The following CLEC19A variants were observed in gnomAD, a reference collection of about 807,000 sequenced individuals.
CLEC19A encodes C-type lectin domain containing 19A.
CLEC19A carries 21 observed loss-of-function variants against 26.1 expected under a neutral mutation model. The observed-to-expected ratio is 0.80, with a 90% confidence interval of 0.57 to 1.16. CLEC19A has a LOEUF of 1.16. Ranked by LOEUF, CLEC19A falls within the 50% of genes most tolerant of loss-of-function variation. The pLI is 0.00. For synonymous variants in CLEC19A, 89 were observed against 88.6 expected, an observed-to-expected ratio of 1.00 and a Z score of -0.03; for missense variants, 224 against 227.6, an observed-to-expected ratio of 0.98 and a Z score of 0.10.
At chr16:19,304,030 GGAATCA>G (rs1597088063) in intron 2 of CLEC19A, 26 bp from the exon 3 acceptor site, 1 of 1,511,084 alleles carries the variant, frequency 6.6e-7, no homozygotes, top group Non-Finnish European at 9.0e-7. Context: ...GAGGCCATGA[GGAATCA>G]GCTACTATTA....
Position 19,294,769 on chromosome 16 carries a change from A to G in CLEC19A, c.89-3904A>G, listed in dbSNP as rs1447602938. On this transcript the variant is annotated intron_variant, in intron 1 of 4. Transcript: ENST00000636231. Reference sequence around the variant, plus strand: ...TAAAATTAGAGAAATAGCCCACACTATACTTCTCATTAGTTGCGGGGGCTG... The same window carrying G: ...TAAAATTAGAGAAATAGCCCACACTGTACTTCTCATTAGTTGCGGGGGCTG... 3.9e-5 allele frequency among the ~76,000 whole-genome samples: 6 copies of G among 152,196 alleles called. No individual in the cohort carries two copies. In the East Asian group the frequency reaches 5.8e-4, roughly 15 times the overall value.
chr16:19,307,754 T>C, intron 4 of CLEC19A, 77 bp downstream of exon 4: 2 of 1,523,152 alleles, frequency 1.3e-6, no homozygotes, highest in South Asian at 2.4e-5. Context: ...AGAAGGGCCT[T>C]GGGGGAAGAG....
chr16:19,290,038 G>T (rs1212952468), intron 1 of CLEC19A, among the ~76,000 whole-genome samples: 1 of 152,196 alleles, frequency 6.6e-6, no homozygotes, highest in Non-Finnish European at 1.5e-5. Context: ...GCAGGAGGCA[G>T]CAGGGTAGTG....
rs1171248968 is a variant in CLEC19A, at chr16:19,301,736, G to GTTTTTTT, written c.255-2304_255-2298dup. On this transcript the variant is annotated intron_variant, in intron 2 of 4. Coordinates refer to ENST00000636231, the MANE Select transcript of CLEC19A (RefSeq NM_001256720.2). Reference sequence around the variant, plus strand: ...ATGACACCATGCCCAGGTTTTTTTGGTTTTTTTTTTTTTTTTTTTTTTTTT... The same window carrying GTTTTTTT: ...ATGACACCATGCCCAGGTTTTTTTGGTTTTTTTTTTTTTTTTTTTTTTTTTTTTTTTT... Among the ~76,000 whole-genome samples, 409 of 81,336 alleles carry GTTTTTTT rather than the reference G, an allele frequency of 5.0e-3. 15 individuals are homozygous for GTTTTTTT. The highest frequency in any genetic ancestry group is 8.8e-3 in the South Asian group (15 of 1,708). The allele number at this position is 81,336 out of a possible 152,430, so 53.4% of individuals were successfully genotyped here.
chr16:19,287,846 G>T (rs1897504906), intron 1 of CLEC19A, among the ~76,000 whole-genome samples: 1 of 152,214 alleles, frequency 6.6e-6, no homozygotes, highest in Admixed American at 6.5e-5. Context: ...TTTAAAAAAT[G>T]AGTTATTGCC....
intron 3 of CLEC19A, 95 bp from the exon 4 acceptor site, chr16:19,307,450 A>G: frequency 1.4e-6 from 2 of 1,390,698 alleles, no homozygotes; most frequent in East Asian, 2.5e-5. Flanking sequence ...GTTAGAAATT[A>G]AGTTGCTAAG....
In CLEC19A at chr16:19,285,877, C is replaced by T. The variant is rs1033024005; in HGVS notation, c.26C>T (p.Ala9Val). 1.9e-6 allele frequency: 3 copies of T among 1,550,426 alleles called. No homozygotes were observed. The highest frequency in any genetic ancestry group is 2.7e-5 in the African/African-American group (2 of 73,048). Residue 9 changes from alanine to valine, a missense_variant, in exon 1 of 5, where the codon GCA (alanine) becomes GTA (valine). Physicochemically the swap from Ala to Val is moderately conservative, Grantham distance 64. Coordinates refer to ENST00000636231, the MANE Select transcript of CLEC19A (RefSeq NM_001256720.2). ...ATGCAAAGGTGGACACTGTGGGCTG[C>T]AGCCTTCCTGACCCTCCACTCTGCA... MQRWTLWA[A>V]AFLTLHSAQA...
chr16:19,288,506 C>T (rs1034651628), intron 1 of CLEC19A, among the ~76,000 whole-genome samples: 7 of 152,124 alleles, frequency 4.6e-5, no homozygotes, highest in African/African-American at 1.2e-4. Context: ...CATCACCCAC[C>T]CCTTGCATAT....
intron 1 of CLEC19A, among the ~76,000 whole-genome samples, chr16:19,296,524 T>A (rs182097923): frequency 1.3e-5 from 2 of 152,280 alleles, no homozygotes; most frequent in Admixed American, 1.3e-4. Flanking sequence ...ATGAAGCAGG[T>A]GCTATAAAGA....
intron 1 of CLEC19A, among the ~76,000 whole-genome samples, chr16:19,288,600 G>A (rs1230971747): frequency 6.6e-6 from 1 of 152,096 alleles, no homozygotes. Flanking sequence ...TAGAGACTTG[G>A]GAGGATTTAG....
rs949804158 is a variant in CLEC19A, at chr16:19,308,395, T to C, written c.482-609T>C. Among the ~76,000 whole-genome samples the C allele has an allele frequency of 2.6e-5, 4 of 152,310 alleles. No individual in the cohort carries two copies. The East Asian group carries it at 5.8e-4, about 22-fold the overall frequency. ...TTCTTTGTCTTCAAAATGTGGCTAATGATACTTAACTCACAGGTTAATGTG... is the reference window on the plus strand; with the variant it reads ...TTCTTTGTCTTCAAAATGTGGCTAACGATACTTAACTCACAGGTTAATGTG... On this transcript the variant is annotated intron_variant, in intron 4 of 4. Transcript: ENST00000636231.
chr16:19,295,264 C>T (rs755678428), intron 1 of CLEC19A, among the ~76,000 whole-genome samples: 7 of 152,054 alleles, frequency 4.6e-5, no homozygotes, highest in Non-Finnish European at 1.0e-4. Context: ...GGATGGAGTG[C>T]AGTGGCGTGA....
At chr16:19,290,644 C>T (rs1266646155) in intron 1 of CLEC19A, among the ~76,000 whole-genome samples, 8 of 152,228 alleles carry the variant, frequency 5.3e-5, no homozygotes, top group Admixed American at 6.5e-5. Flanking sequence ...GAACTCATGA[C>T]GCCGTGTCAT....
chr16:19,296,266 G>T (rs1263261611), intron 1 of CLEC19A, among the ~76,000 whole-genome samples: 1 of 152,232 alleles, frequency 6.6e-6, no homozygotes, highest in Non-Finnish European at 1.5e-5. Flanking sequence ...GCATGGCCTG[G>T]AAACTGCCTG....
intron 1 of CLEC19A, 59 bp downstream of exon 1, chr16:19,285,998 T>C (rs778545463): frequency 1.7e-5 from 26 of 1,498,032 alleles, no homozygotes; most frequent in Non-Finnish European, 2.2e-5. Context: ...CAGGAACTTA[T>C]TCTATCGGTG....
intron 1 of CLEC19A, among the ~76,000 whole-genome samples, chr16:19,287,021 CTTT>C (rs550913735): frequency 5.7e-5 from 7 of 123,142 alleles, no homozygotes; most frequent in Admixed American, 1.6e-4. Flanking sequence ...AGGTATCCTT[CTTT>C]TTTTTTTTTT....
At position 19,309,333 on chromosome 16, in the gene CLEC19A, G is replaced by T. The variant is rs1898021517; in HGVS notation, c.*250G>T. ...TGACCCAAGTAACAAAAATCCAGGG[G>T]TTGTTCTGATTCAGAGTTGAATCTC... On this transcript the variant is annotated 3_prime_UTR_variant, in exon 5 of 5. Transcript: ENST00000636231. 2.5e-6 allele frequency: 1 copy of T among 392,228 alleles called. No individual in the cohort carries two copies. 24.3% of individuals were successfully genotyped at this position (392,228 alleles called of 1,614,324 possible). A position where few individuals can be genotyped will look rare whatever the true frequency, so the allele number is the denominator to read the frequency against.
At chr16:19,303,966 G>A in intron 2 of CLEC19A, 96 bp from the exon 3 acceptor site, 2 of 1,007,428 alleles carry the variant, frequency 2.0e-6, no homozygotes, top group Non-Finnish European at 2.9e-6. Context: ...ATTTACTTTG[G>A]TCCAGGAAGG....
rs777703398 is a variant in CLEC19A at position 19,298,804 on chromosome 16, G to C, written c.220G>C (p.Gly74Arg). 1.3e-4 allele frequency: 197 copies of C among 1,550,416 alleles called. No homozygotes were observed. The highest frequency in any genetic ancestry group is 1.6e-4 in the Non-Finnish European group (188 of 1,146,960). The change falls in exon 2 of 5, where the codon GGC (glycine) becomes CGC (arginine). Residue 74 changes from glycine (G) to arginine (R), a missense_variant. Gly to Arg is a moderately radical substitution (Grantham distance 125, BLOSUM62 -2). Coordinates refer to ENST00000636231, the MANE Select transcript of CLEC19A (RefSeq NM_001256720.2). ...CCTCTACTGTTCTGAGTTCTCTGTGGGCAGGAAGTCCGCCAAGCTGGCCTC... is the reference window on the plus strand; with the variant it reads ...CCTCTACTGTTCTGAGTTCTCTGTGCGCAGGAAGTCCGCCAAGCTGGCCTC... ...ADLYCSEFSVGRKSAKLASIH... is the reference protein window; with the variant it reads ...ADLYCSEFSVRRKSAKLASIH...
Sources: gnomAD v4.1 joint callset for allele counts (sites outside exome capture counted in the v4.1 genomes callset) on GRCh38, gnomAD v4.1.1 for gene constraint, MANE v1.5 for transcripts, NCBI Gene and HGNC (gene_info 2026-07-23, HGNC 2026-07-21) for gene names.